TCF24: variants seen among roughly 807,000 people sequenced by gnomAD.
The protein encoded by TCF24 is transcription factor 24.
TCF24 carries 5 observed loss-of-function variants against 9.3 expected under a neutral mutation model. The ratio of observed to expected loss-of-function variants is 0.54; its 90% CI spans 0.28 to 1.13. The LOEUF (loss-of-function observed/expected upper bound fraction) is 1.13. TCF24 is among the 50% of genes most tolerant of loss of function. The pLI is 0.09. For missense variants in TCF24, 220 were observed against 236.1 expected, an observed-to-expected ratio of 0.93 and a Z score of 0.45; for synonymous variants, 110 against 115.8, an observed-to-expected ratio of 0.95 and a Z score of 0.32.
chr8:66,960,311 C>A (rs1193720167), intron 3 of TCF24, among the ~76,000 whole-genome samples: 1 of 151,298 alleles, frequency 6.6e-6, no homozygotes, highest in African/African-American at 2.4e-5. Flanking sequence ...TAAAACTTAT[C>A]ACAGAATTGT....
intron 3 of TCF24, among the ~76,000 whole-genome samples, chr8:66,957,387 A>T (rs754425384): frequency 1.4e-5 from 2 of 146,206 alleles, no homozygotes; most frequent in Non-Finnish European, 3.0e-5. Context: ...ACTGCACTCC[A>T]GCTTAGGCAA....
At chr8:66,953,416 T>G (rs1194076683) in intron 3 of TCF24, among the ~76,000 whole-genome samples, 3 of 152,128 alleles carry the variant, frequency 2.0e-5, no homozygotes, top group Non-Finnish European at 2.9e-5. Context: ...GAATGTTGAA[T>G]ATTGGCCCCC....
chr8:66,960,465 T>C (rs1364689092), intron 3 of TCF24, among the ~76,000 whole-genome samples: 2 of 151,950 alleles, frequency 1.3e-5, no homozygotes, highest in East Asian at 3.9e-4. Flanking sequence ...TATTTCAGGG[T>C]GGTGGAGCCA....
chr8:66,949,744 T>C (rs1323851355), intron 3 of TCF24, among the ~76,000 whole-genome samples: 2 of 151,816 alleles, frequency 1.3e-5, no homozygotes, highest in Non-Finnish European at 2.9e-5. Flanking sequence ...TGTTCCTGTT[T>C]CTCCACATCC....
intron 3 of TCF24, among the ~76,000 whole-genome samples, chr8:66,950,864 G>A (rs1814048265): frequency 1.3e-5 from 2 of 150,696 alleles, no homozygotes; most frequent in African/African-American, 4.9e-5. Context: ...TTGTGAATGG[G>A]AGTTCACTCA....
Position 66,948,031 on chromosome 8 carries a change from A to C in TCF24, c.*20T>G. 6.8e-7 allele frequency: 1 copy of C among 1,468,972 alleles called. No homozygotes were observed. The highest frequency in any genetic ancestry group is 9.0e-7 in the Non-Finnish European group (1 of 1,105,644). The allele number at this position is 1,468,972 out of a possible 1,614,324, so 91.0% of individuals were successfully genotyped here. A position where few individuals can be genotyped will look rare whatever the true frequency, so the allele number is the denominator to read the frequency against. The stretch of plus-strand genomic sequence containing the variant: ...AAAAACAATAGCCACCACTTCTACC[A>C]GCCCCCACCAGGGGAGAGCCTAAGG... On this transcript the variant is annotated 3_prime_UTR_variant, in exon 4 of 4. Transcript: ENST00000563496.
Position 66,961,235 on chromosome 8 carries a change from G to A in TCF24, c.390+141C>T, listed in dbSNP as rs111719631. The A allele has an allele frequency of 0.014, 16,175 of 1,182,180 alleles. 449 individuals carry two copies. The highest frequency in any genetic ancestry group is 0.079 in the African/African-American group (4,954 of 62,420). 73.2% of individuals were successfully genotyped at this position (1,182,180 alleles called of 1,614,324 possible). On this transcript the variant is annotated intron_variant, in intron 3 of 3. Transcript: ENST00000563496. ...CGGGGACCTTGCCACCAGTACCCTC[G>A]CGGGCCGAGGTCGTTCTCCCGGTCG...
chr8:66,950,127 A>C (rs1253758544), intron 3 of TCF24, among the ~76,000 whole-genome samples: 2 of 135,176 alleles, frequency 1.5e-5, no homozygotes, highest in Admixed American at 1.5e-4. Flanking sequence ...CCCATTTGTC[A>C]ATTTTGTCTT....
intron 3 of TCF24, among the ~76,000 whole-genome samples, chr8:66,955,614 A>C (rs2130900459): frequency 6.6e-6 from 1 of 152,370 alleles, no homozygotes; most frequent in East Asian, 1.9e-4. Context: ...CTCTGGGTTC[A>C]CAACCCAAGT....
intron 3 of TCF24, among the ~76,000 whole-genome samples, chr8:66,958,642 C>A (rs936906746): frequency 1.3e-5 from 2 of 152,162 alleles, no homozygotes; most frequent in Non-Finnish European, 2.9e-5. Context: ...GCTTGGGTGA[C>A]AGAGAGAGAC....
intron 3 of TCF24, among the ~76,000 whole-genome samples, chr8:66,950,760 A>G (rs1474639821): frequency 6.6e-6 from 1 of 151,474 alleles, no homozygotes; most frequent in Non-Finnish European, 1.5e-5. Flanking sequence ...ATCCTCTTTT[A>G]TTTCATTGAG....
chr8:66,953,607 G>A (rs1814093197), intron 3 of TCF24, among the ~76,000 whole-genome samples: 2 of 151,246 alleles, frequency 1.3e-5, no homozygotes, highest in Admixed American at 1.3e-4. Context: ...TATCTTTGTG[G>A]CGTTCTCTGT....
At position 66,961,439 on chromosome 8, in the gene TCF24, G is replaced by T. The variant is rs764735854; in HGVS notation, c.327C>A (p.Ala109=). The T allele has an allele frequency of 4.6e-6, 7 of 1,525,634 alleles. No individual in the cohort carries two copies. In the South Asian group the frequency reaches 8.4e-5, roughly 18 times the overall value. The allele number at this position is 1,525,634 out of a possible 1,614,324, so 94.5% of individuals were successfully genotyped here. The change falls in exon 3 of 4, where the codon GCC becomes GCA. Residue 109 remains alanine (A), a synonymous_variant. Transcript: ENST00000563496. ...AHLTRSLQDD[A]EAPADAGLGA... ...CCAACCCGGCGTCCGCCGGCGCCTC[G>T]GCGTCGTCCTGCAGGCTGCGGGTGA...
chr8:66,957,333 C>T (rs1814173728), intron 3 of TCF24, among the ~76,000 whole-genome samples: 1 of 149,616 alleles, frequency 6.7e-6, no homozygotes, highest in Non-Finnish European at 1.5e-5. Flanking sequence ...AGAAGAATTG[C>T]TTGAACCCAG....
rs1377508425 is a variant in TCF24, at chr8:66,948,383, G to A, written c.391-219C>T. Reference sequence around the variant, plus strand: ...TACTCAGACTTTGATTAACATTTTAGAAGTAATATGTGTGCTTATGGACAA... The same window carrying A: ...TACTCAGACTTTGATTAACATTTTAAAAGTAATATGTGTGCTTATGGACAA... On this transcript the variant is annotated intron_variant, in intron 3 of 3. Transcript: ENST00000563496. 3.9e-5 allele frequency among the ~76,000 whole-genome samples: 6 copies of A among 152,140 alleles called. No individual in the cohort carries two copies. In the East Asian group the frequency reaches 9.6e-4, roughly 24 times the overall value.
rs546172299 is a variant in TCF24, at chr8:66,949,211, G to A, written c.391-1047C>T. ...GCTGGTGCGCTGCACCCACTAACTCGTCATCTAGCATTAGGTATATCTCCC... is the reference window on the plus strand; with the variant it reads ...GCTGGTGCGCTGCACCCACTAACTCATCATCTAGCATTAGGTATATCTCCC... On this transcript the variant is annotated intron_variant, in intron 3 of 3. Coordinates refer to ENST00000563496, the MANE Select transcript of TCF24 (RefSeq NM_001193502.2). Among the ~76,000 whole-genome samples the A allele has an allele frequency of 8.1e-4, 123 of 151,498 alleles. 1 individual carries two copies. The highest frequency in any genetic ancestry group is 2.7e-3 in the African/African-American group (111 of 41,220).
chr8:66,958,069 C>G (rs190177243), intron 3 of TCF24, among the ~76,000 whole-genome samples: 6 of 151,806 alleles, frequency 4.0e-5, no homozygotes, highest in Admixed American at 3.9e-4. Flanking sequence ...AATAAATATT[C>G]TTTTTTAAGA....
rs530328113 is a variant in TCF24 at position 66,955,969 on chromosome 8, C to T, written c.390+5407G>A. On this transcript the variant is annotated intron_variant, in intron 3 of 3. Transcript: ENST00000563496. Reference sequence around the variant, plus strand: ...TTTTATGAGACAGGGTCTCATTCTGCTGCACAGGCTGGAGTGGTAGTGGTG... The same window carrying T: ...TTTTATGAGACAGGGTCTCATTCTGTTGCACAGGCTGGAGTGGTAGTGGTG... Among the ~76,000 whole-genome samples, 9 of 152,144 alleles carry T rather than the reference C, an allele frequency of 5.9e-5. No homozygotes were observed. In the East Asian group the frequency reaches 9.7e-4, roughly 16 times the overall value.
At chr8:66,954,102 A>T (rs1814108302) in intron 3 of TCF24, among the ~76,000 whole-genome samples, 1 of 152,230 alleles carries the variant, frequency 6.6e-6, no homozygotes, top group African/African-American at 2.4e-5. Flanking sequence ...AGCTCGTCAA[A>T]GTCATTCTCC....
Sources: gnomAD v4.1 joint callset for allele counts (sites outside exome capture counted in the v4.1 genomes callset) on GRCh38, gnomAD v4.1.1 for gene constraint, MANE v1.5 for transcripts, NCBI Gene and HGNC (gene_info 2026-07-23, HGNC 2026-07-21) for gene names.